BTBD9: variants seen among roughly 807,000 people sequenced by gnomAD.
BTBD9 encodes the protein BTB domain containing 9, also known as BTB/POZ domain-containing protein 9.
Under a neutral mutation model 64.3 loss-of-function variants are expected in BTBD9, and 49 were observed. The ratio of observed to expected loss-of-function variants is 0.76; its 90% CI spans 0.61 to 0.97. BTBD9 has a LOEUF of 0.97. Ranked by LOEUF, BTBD9 falls within the 50% of genes least tolerant of loss-of-function variation. BTBD9 has a pLI of 0.00. For synonymous variants in BTBD9, 260 were observed against 274.7 expected, an observed-to-expected ratio of 0.95 and a Z score of 0.53; for missense variants, 598 against 762.1, an observed-to-expected ratio of 0.78 and a Z score of 2.53.
intron 6 of BTBD9, chr6:38,402,991 T>A: frequency 1.7e-6 from 1 of 584,462 alleles, no homozygotes; most frequent in South Asian, 2.0e-5. Context: ...GAGAATTGCT[T>A]AAGCCTGGGA....
At chr6:38,530,261 C>G (rs1773729289) in intron 6 of BTBD9, among the ~76,000 whole-genome samples, 1 of 152,202 alleles carries the variant, frequency 6.6e-6, no homozygotes. Flanking sequence ...AATACATGCA[C>G]CGCTGAACAT....
At chr6:38,254,273 G>A (rs1242498862) in intron 9 of BTBD9, among the ~76,000 whole-genome samples, 1 of 151,758 alleles carries the variant, frequency 6.6e-6, no homozygotes, top group Non-Finnish European at 1.5e-5. Flanking sequence ...TTAAGCCACG[G>A]AAATACTGAA....
intron 8 of BTBD9, among the ~76,000 whole-genome samples, chr6:38,266,330 T>C (rs969929840): frequency 6.6e-6 from 1 of 152,072 alleles, no homozygotes; most frequent in Non-Finnish European, 1.5e-5. Flanking sequence ...CCCAGCACTT[T>C]AGGAGGCTGA....
chr6:38,629,081 A>G (rs1778273946), intron 1 of BTBD9, among the ~76,000 whole-genome samples: 1 of 152,176 alleles, frequency 6.6e-6, no homozygotes, highest in Non-Finnish European at 1.5e-5. Context: ...CCATTGAATA[A>G]CATAAGAATC....
intron 6 of BTBD9, among the ~76,000 whole-genome samples, chr6:38,487,762 T>C (rs1181771997): frequency 6.6e-6 from 1 of 152,148 alleles, no homozygotes; most frequent in Non-Finnish European, 1.5e-5. Flanking sequence ...TAAAACAATT[T>C]CTTGCTCCTT....
chr6:38,252,477 T>G lies in BTBD9; in HGVS notation c.1562+3932A>C, dbSNP rs73412514. Among the ~76,000 whole-genome samples the G allele has an allele frequency of 9.6e-3, 1,457 of 152,340 alleles. 19 individuals carry two copies. Among genetic ancestry groups the G allele is most frequent in the African/African-American group, 0.032 (1,337 of 41,586 alleles). On this transcript the variant is annotated intron_variant, in intron 9 of 10. Transcript: ENST00000481247. Reference sequence around the variant, plus strand: ...AGTTACGCCTATAAACATAAAATCATAACCTCTGGTTCCATTGATTCTTAC... The same window carrying G: ...AGTTACGCCTATAAACATAAAATCAGAACCTCTGGTTCCATTGATTCTTAC...
At chr6:38,214,399 GACA>G (rs1762939030) in intron 9 of BTBD9, among the ~76,000 whole-genome samples, 1 of 152,252 alleles carries the variant, frequency 6.6e-6, no homozygotes, top group African/African-American at 2.4e-5. Flanking sequence ...AAAGAAGGTG[GACA>G]ATGAGACAGG....
chr6:38,435,006 C>T (rs535749598), intron 6 of BTBD9, among the ~76,000 whole-genome samples: 2 of 151,808 alleles, frequency 1.3e-5, no homozygotes, highest in South Asian at 2.1e-4. Context: ...ACCAGCCTGA[C>T]CAACATGGAG....
intron 10 of BTBD9, among the ~76,000 whole-genome samples, chr6:38,188,698 A>G (rs1459355623): frequency 6.6e-6 from 1 of 152,200 alleles, no homozygotes; most frequent in African/African-American, 2.4e-5. Context: ...CCTCTTTGGA[A>G]GCCCTAATCC....
chr6:38,220,517 C>T (rs571729201), intron 9 of BTBD9, among the ~76,000 whole-genome samples: 1 of 152,328 alleles, frequency 6.6e-6, no homozygotes, highest in South Asian at 2.1e-4. Flanking sequence ...ATCTTTTACT[C>T]AACTCTCATA....
At chr6:38,270,640 A>T (rs1202125529) in intron 8 of BTBD9, among the ~76,000 whole-genome samples, 1 of 152,244 alleles carries the variant, frequency 6.6e-6, no homozygotes, top group Non-Finnish European at 1.5e-5. Flanking sequence ...TACAAAGGAT[A>T]CATATGAATA....
intron 6 of BTBD9, among the ~76,000 whole-genome samples, chr6:38,493,260 T>C (rs79341515): frequency 0.029 from 4,342 of 152,302 alleles, 116 homozygotes; most frequent in Middle Eastern, 0.054. Flanking sequence ...ATCACAGCAG[T>C]AGATGCAGGC....
At chr6:38,630,964 T>C (rs2127532655) in intron 1 of BTBD9, among the ~76,000 whole-genome samples, 1 of 152,334 alleles carries the variant, frequency 6.6e-6, no homozygotes, top group South Asian at 2.1e-4. Flanking sequence ...CAGACAGTGG[T>C]TGAGGAAGCA....
At chr6:38,630,289 T>C (rs1337767337) in intron 1 of BTBD9, among the ~76,000 whole-genome samples, 1 of 152,176 alleles carries the variant, frequency 6.6e-6, no homozygotes, top group Non-Finnish European at 1.5e-5. Context: ...CACTTTGTTC[T>C]TGTGTGTTGG....
intron 7 of BTBD9, among the ~76,000 whole-genome samples, chr6:38,324,722 C>T (rs12208440): frequency 6.6e-5 from 10 of 152,136 alleles, no homozygotes; most frequent in Admixed American, 1.3e-4. Context: ...GGAGTATGAA[C>T]TGACAGGAAG....
chr6:38,328,220 T>A (rs995335259), intron 7 of BTBD9, among the ~76,000 whole-genome samples: 2 of 152,178 alleles, frequency 1.3e-5, no homozygotes, highest in Non-Finnish European at 1.5e-5. Flanking sequence ...TTCCTTACAA[T>A]TTTACGCACT....
At chr6:38,368,575 C>T (rs558856713) in intron 6 of BTBD9, among the ~76,000 whole-genome samples, 4 of 152,194 alleles carry the variant, frequency 2.6e-5, no homozygotes, top group East Asian at 3.9e-4. Flanking sequence ...CCTCATGATC[C>T]GCCCACCTCA....
At chr6:38,631,645 G>A (rs1159884225) in intron 1 of BTBD9, among the ~76,000 whole-genome samples, 6 of 152,100 alleles carry the variant, frequency 3.9e-5, no homozygotes. Flanking sequence ...GAGGCCTCCT[G>A]TCAACAGCCA....
intron 9 of BTBD9, among the ~76,000 whole-genome samples, chr6:38,254,579 G>A (rs1582119620): frequency 6.6e-6 from 1 of 152,318 alleles, no homozygotes; most frequent in Non-Finnish European, 1.5e-5. Context: ...TGAGGTTACA[G>A]TAAGCCTTGA....
Sources: gnomAD v4.1 joint callset for allele counts (sites outside exome capture counted in the v4.1 genomes callset) on GRCh38, gnomAD v4.1.1 for gene constraint, MANE v1.5 for transcripts, NCBI Gene and HGNC (gene_info 2026-07-23, HGNC 2026-07-21) for gene names.